The following SEZ6L variants were observed in gnomAD, a reference collection of about 807,000 sequenced individuals.
The protein encoded by SEZ6L is seizure related 6 homolog like, also known as seizure 6-like protein.
Under a neutral mutation model 106.2 loss-of-function variants are expected in SEZ6L, and 37 were observed. The observed-to-expected ratio is 0.35, with a 90% confidence interval of 0.27 to 0.46. SEZ6L has a LOEUF of 0.46. SEZ6L is among the 20% of genes least tolerant of loss of function. SEZ6L has a pLI of 1.00. For missense variants in SEZ6L, 1,172 were observed against 1,332.8 expected (o/e 0.88, Z 1.88); for synonymous variants, 541 against 570.4 (o/e 0.95, Z 0.73).
chr22:26,239,454 A>C (rs1194179364), intron 1 of SEZ6L, among the ~76,000 whole-genome samples: 1 of 152,246 alleles, frequency 6.6e-6, no homozygotes, highest in African/African-American at 2.4e-5. Flanking sequence ...TTATCCAGTG[A>C]GACCATGAAA....
intron 1 of SEZ6L, among the ~76,000 whole-genome samples, chr22:26,200,340 A>T (rs2145676602): frequency 6.6e-6 from 1 of 152,208 alleles, no homozygotes; most frequent in African/African-American, 2.4e-5. Context: ...TCCTTTCAGT[A>T]ATTTTTTTTG....
intron 10 of SEZ6L, among the ~76,000 whole-genome samples, chr22:26,345,537 AG>A (rs2082979444): frequency 6.6e-6 from 1 of 152,184 alleles, no homozygotes; most frequent in Non-Finnish European, 1.5e-5. Flanking sequence ...TCCCAAATCC[AG>A]GGCTTGGCTG....
rs183082116 is a variant in SEZ6L, at chr22:26,274,305, G to A, written c.95-18101G>A. Among the ~76,000 whole-genome samples the A allele has an allele frequency of 3.8e-5, 5 of 133,124 alleles. No homozygotes were observed. In the East Asian group the frequency reaches 7.7e-4, roughly 21 times the overall value. The allele number at this position is 133,124 out of a possible 152,430, so 87.3% of individuals were successfully genotyped here. A position where few individuals can be genotyped will look rare whatever the true frequency, so the allele number is the denominator to read the frequency against. On this transcript the variant is annotated intron_variant, in intron 1 of 16. Coordinates refer to ENST00000248933, the MANE Select transcript of SEZ6L (RefSeq NM_021115.5). Reference sequence around the variant, plus strand: ...CCTTGAATATAGGACCATGGATATAGGACCTTGGATATAGGACCTTGCATA... The same window carrying A: ...CCTTGAATATAGGACCATGGATATAAGACCTTGGATATAGGACCTTGCATA...
chr22:26,184,638 C>A (rs1484441609), intron 1 of SEZ6L, among the ~76,000 whole-genome samples: 4 of 152,186 alleles, frequency 2.6e-5, no homozygotes, highest in Non-Finnish European at 5.9e-5. Flanking sequence ...TGGCCCAAAA[C>A]ATTCATTCAT....
intron 9 of SEZ6L, among the ~76,000 whole-genome samples, chr22:26,324,799 C>A (rs576167399): frequency 6.6e-6 from 1 of 152,292 alleles, no homozygotes; most frequent in Non-Finnish European, 1.5e-5. Flanking sequence ...GAAACTGAGG[C>A]CCAGAGATGG....
At position 26,365,364 on chromosome 22, in the gene SEZ6L, C is replaced by T. The variant is rs1160848035; in HGVS notation, c.2600-8C>T. On this transcript the variant is annotated splice_region_variant and splice_polypyrimidine_tract_variant and intron_variant, in intron 12 of 16. Transcript: ENST00000248933. ...TCTCATCAGAGCTCCTTCTGGCTTG[C>T]ATTTCAGCGGAGGAGTCCCTGGCAT... is the stretch of plus-strand genomic sequence containing the variant. The T allele has an allele frequency of 6.3e-7, 1 of 1,576,138 alleles. No individual in the cohort carries two copies. The highest frequency in any genetic ancestry group is 8.7e-7 in the Non-Finnish European group (1 of 1,152,748).
intron 4 of SEZ6L, among the ~76,000 whole-genome samples, chr22:26,298,437 A>G (rs989463469): frequency 3.3e-5 from 5 of 152,032 alleles, no homozygotes; most frequent in African/African-American, 1.2e-4. Flanking sequence ...CCCCACCACC[A>G]CCTGTAAGGT....
chr22:26,212,933 G>C (rs1391649201), intron 1 of SEZ6L, among the ~76,000 whole-genome samples: 1 of 152,170 alleles, frequency 6.6e-6, no homozygotes, highest in Admixed American at 6.5e-5. Context: ...CTTGGGATGG[G>C]GGTTGGCAAA....
chr22:26,296,907 C>T lies in SEZ6L; in HGVS notation c.989C>T (p.Ser330Phe). ...TCCCAGGTGAAGAGTGTGAACCTGT[C>T]CGATGGGGAACTGCTCTCCATCCGC... is the stretch of plus-strand genomic sequence containing the variant. ...VELQVKSVNL[S>F]DGELLSIRGV... is the part of the protein sequence containing the mutation. Residue 330 changes from serine to phenylalanine, a missense_variant, in exon 4 of 17, where the codon TCC becomes TTC. Ser to Phe is a radical substitution (Grantham distance 155). Around this residue, in one of 4 missense-constraint regions of SEZ6L, gnomAD observed 494 missense variants for 445.8 expected, o/e 1.11. Transcript: ENST00000248933. 6.2e-7 allele frequency: 1 copy of T among 1,609,956 alleles called. No individual in the cohort carries two copies. Among genetic ancestry groups the T allele is most frequent in the Non-Finnish European group, 8.5e-7 (1 of 1,177,772 alleles).
At chr22:26,296,315 A>G (rs2081298809) in intron 3 of SEZ6L, among the ~76,000 whole-genome samples, 1 of 152,194 alleles carries the variant, frequency 6.6e-6, no homozygotes. Context: ...TGCCCTAGAA[A>G]TGAGGCCCCC....
chr22:26,196,191 C>T (rs1225688983), intron 1 of SEZ6L, among the ~76,000 whole-genome samples: 1 of 152,102 alleles, frequency 6.6e-6, no homozygotes, highest in Non-Finnish European at 1.5e-5. Flanking sequence ...AAGCATGTGG[C>T]ACCTCCCCTT....
chr22:26,347,401 C>T (rs1477192626), intron 10 of SEZ6L, among the ~76,000 whole-genome samples: 1 of 152,018 alleles, frequency 6.6e-6, no homozygotes, highest in Non-Finnish European at 1.5e-5. Context: ...GTCAAGGAAC[C>T]TGAGCTGCAG....
At chr22:26,222,100 T>A (rs1216637582) in intron 1 of SEZ6L, among the ~76,000 whole-genome samples, 1 of 152,140 alleles carries the variant, frequency 6.6e-6, no homozygotes, top group Non-Finnish European at 1.5e-5. Flanking sequence ...GGGTGGCTGT[T>A]TAGAAATGAC....
At chr22:26,223,414 T>A (rs1302630197) in intron 1 of SEZ6L, among the ~76,000 whole-genome samples, 1 of 152,254 alleles carries the variant, frequency 6.6e-6, no homozygotes, top group Non-Finnish European at 1.5e-5. Flanking sequence ...TTTCCTTGCA[T>A]TGAACACAGT....
chr22:26,277,696 TCTCAG>T (rs1220711017), intron 1 of SEZ6L, among the ~76,000 whole-genome samples: 1 of 152,224 alleles, frequency 6.6e-6, no homozygotes, highest in Non-Finnish European at 1.5e-5. Context: ...CAAGTCTTGT[TCTCAG>T]CACTGCAGGC....
intron 1 of SEZ6L, among the ~76,000 whole-genome samples, chr22:26,208,159 C>T (rs2145693981): frequency 1.3e-5 from 2 of 152,258 alleles, no homozygotes; most frequent in South Asian, 4.1e-4. Context: ...TCGTGATCCG[C>T]CCGTCTCGGC....
intron 1 of SEZ6L, among the ~76,000 whole-genome samples, chr22:26,172,608 TA>T (rs1938701173): frequency 6.6e-6 from 1 of 152,174 alleles, no homozygotes; most frequent in African/African-American, 2.4e-5. Context: ...AGCTGGCGAC[TA>T]AGGGCAGAAG....
chr22:26,203,717 A>C (rs959614193), intron 1 of SEZ6L, among the ~76,000 whole-genome samples: 1 of 152,158 alleles, frequency 6.6e-6, no homozygotes, highest in Non-Finnish European at 1.5e-5. Context: ...ACGTTCAGAG[A>C]GGTGTTGGAC....
chr22:26,264,331 G>T (rs1026158957), intron 1 of SEZ6L, among the ~76,000 whole-genome samples: 2 of 152,170 alleles, frequency 1.3e-5, no homozygotes, highest in Admixed American at 6.5e-5. Flanking sequence ...CTTCTGCCCC[G>T]ATCTTGTCAC....
Sources: gnomAD v4.1 joint callset for allele counts (sites outside exome capture counted in the v4.1 genomes callset) on GRCh38, gnomAD v4.1.1 for gene constraint, gnomAD v4.1.1 regional missense constraint, MANE v1.5 for transcripts, NCBI Gene and HGNC (gene_info 2026-07-23, HGNC 2026-07-21) for gene names.